EBF1: variants seen among roughly 807,000 people sequenced by gnomAD.
The protein encoded by EBF1 is EBF transcription factor 1, also known as transcription factor COE1.
In EBF1, 10 loss-of-function variants were observed where a neutral mutation model predicts 68.4. That is an observed-to-expected ratio of 0.15 (90% confidence interval 0.09 to 0.25). The LOEUF is 0.25. EBF1 is among the 10% of genes least tolerant of loss of function. The pLI, the probability that EBF1 is intolerant of heterozygous loss-of-function variation, is 1.00. For synonymous variants in EBF1, 298 were observed against 299.8 expected, an observed-to-expected ratio of 0.99 and a Z score of 0.06; for missense variants, 509 against 794.4, an observed-to-expected ratio of 0.64 and a Z score of 4.32.
intron 6 of EBF1, among the ~76,000 whole-genome samples, chr5:158,942,928 A>AG (rs1561581218): frequency 1.2e-4 from 13 of 106,680 alleles, no homozygotes; most frequent in East Asian, 2.8e-4. Flanking sequence ...GAAGGAGGGG[A>AG]GAGGAGAGAA....
At chr5:158,937,430 T>C (rs1265068541) in intron 6 of EBF1, among the ~76,000 whole-genome samples, 1 of 152,068 alleles carries the variant, frequency 6.6e-6, no homozygotes, top group Admixed American at 6.5e-5. Flanking sequence ...GAGCTACTTA[T>C]AAGGGTTCCC....
chr5:159,008,602 T>G (rs1764026653), intron 6 of EBF1, among the ~76,000 whole-genome samples: 1 of 150,514 alleles, frequency 6.6e-6, no homozygotes. Context: ...CTGGACTCAC[T>G]GCAGCCTCAG....
intron 6 of EBF1, among the ~76,000 whole-genome samples, chr5:158,908,401 G>A (rs2127346618): frequency 6.6e-6 from 1 of 152,278 alleles, no homozygotes; most frequent in South Asian, 2.1e-4. Context: ...GTGTCAATAA[G>A]TTGTTATAAT....
intron 8 of EBF1, among the ~76,000 whole-genome samples, chr5:158,812,081 C>T (rs907088128): frequency 6.6e-6 from 1 of 152,212 alleles, no homozygotes; most frequent in African/African-American, 2.4e-5. Flanking sequence ...TAAATACTTA[C>T]ACTCATGTGA....
rs1769029470 is a variant in EBF1 at position 159,032,099 on chromosome 5, C to T, written c.554+41297G>A. Among the ~76,000 whole-genome samples, 4 of 152,104 alleles carry T rather than the reference C, an allele frequency of 2.6e-5. No individual in the cohort carries two copies. The South Asian group carries it at 8.3e-4, about 32-fold the overall frequency. On this transcript the variant is annotated intron_variant, in intron 6 of 15. Coordinates refer to ENST00000313708, the MANE Select transcript of EBF1 (RefSeq NM_024007.5). ...TCCACCAAGAAGAGTCTCAAAATGT[C>T]CAGTCAATATCAACAGGTGTAACAA...
chr5:158,755,330 C>T (rs1401537419), intron 10 of EBF1, among the ~76,000 whole-genome samples: 1 of 152,088 alleles, frequency 6.6e-6, no homozygotes, highest in African/African-American at 2.4e-5. Flanking sequence ...TCCCTGGACT[C>T]CCAGGTTAGG....
chr5:158,893,633 T>C (rs1382616147), intron 6 of EBF1, among the ~76,000 whole-genome samples: 12 of 152,194 alleles, frequency 7.9e-5, no homozygotes. Context: ...AGGCCAAGGC[T>C]CGTCAGTCTT....
intron 6 of EBF1, among the ~76,000 whole-genome samples, chr5:159,010,829 T>C (rs923111556): frequency 7.2e-5 from 11 of 152,218 alleles, no homozygotes; most frequent in Non-Finnish European, 7.3e-5. Context: ...ACAGGGCTCT[T>C]TAATTGAAAA....
chr5:158,909,271 G>A (rs1402191556), intron 6 of EBF1, among the ~76,000 whole-genome samples: 1 of 152,178 alleles, frequency 6.6e-6, no homozygotes, highest in Non-Finnish European at 1.5e-5. Context: ...GGTGCTGGTG[G>A]TTTTTGTTGG....
chr5:159,048,726 G>T (rs1772947185), intron 6 of EBF1, among the ~76,000 whole-genome samples: 1 of 152,214 alleles, frequency 6.6e-6, no homozygotes, highest in South Asian at 2.1e-4. Flanking sequence ...CCTGCTGAAG[G>T]TCTAATTTCT....
intron 5 of EBF1, among the ~76,000 whole-genome samples, chr5:159,078,441 A>G (rs1779179407): frequency 6.6e-6 from 1 of 152,238 alleles, no homozygotes; most frequent in African/African-American, 2.4e-5. Context: ...CAGTGTTAAT[A>G]AAAGAAATCA....
intron 6 of EBF1, among the ~76,000 whole-genome samples, chr5:159,005,534 A>G (rs1437551042): frequency 6.6e-6 from 1 of 152,200 alleles, no homozygotes; most frequent in Admixed American, 6.5e-5. Context: ...TCTCAGAGCT[A>G]TTAACTGAGT....
Position 158,796,420 on chromosome 5 carries a change from C to G in EBF1, c.834G>C (p.Ala278=), listed in dbSNP as rs758590358. ...SPSEGWTTGG[A]TVIIIGDNFF... ...AATTGTCCCCTATGATGATCACAGTCGCACCTCCCGTCGTCCATCCTTCAC... is the reference window on the plus strand; with the variant it reads ...AATTGTCCCCTATGATGATCACAGTGGCACCTCCCGTCGTCCATCCTTCAC... The change falls in exon 9 of 16, where the codon GCG becomes GCC. Residue 278 remains alanine (A), a synonymous_variant. Transcript: ENST00000313708. The G allele has an allele frequency of 6.2e-7, 1 of 1,613,698 alleles. No individual in the cohort carries two copies. The highest frequency in any genetic ancestry group is 1.1e-5 in the South Asian group (1 of 91,024).
intron 5 of EBF1, chr5:159,073,665 A>G (rs577710224): frequency 3.0e-5 from 17 of 567,934 alleles, no homozygotes; most frequent in African/African-American, 2.3e-4. Context: ...CTCCCTGCTC[A>G]AAGAAGGAGG....
chr5:158,993,132 C>T (rs111684760), intron 6 of EBF1, among the ~76,000 whole-genome samples: 21,620 of 141,480 alleles, frequency 0.15, 2,211 homozygotes, highest in African/African-American at 0.25. Context: ...GTTTCACCTC[C>T]GCCTCCTGGG....
intron 7 of EBF1, among the ~76,000 whole-genome samples, chr5:158,826,640 G>T (rs1786195667): frequency 6.6e-6 from 1 of 152,138 alleles, no homozygotes; most frequent in Admixed American, 6.5e-5. Context: ...CTATTAGGGG[G>T]CTTTGCTTCT....
chr5:158,740,388 T>C (rs1236507181), intron 10 of EBF1, among the ~76,000 whole-genome samples: 2 of 151,978 alleles, frequency 1.3e-5, no homozygotes, highest in Non-Finnish European at 2.9e-5. Flanking sequence ...GTTCACAGAG[T>C]TGTTTCCTCC....
At chr5:158,894,627 G>A (rs1801827734) in intron 6 of EBF1, among the ~76,000 whole-genome samples, 1 of 152,158 alleles carries the variant, frequency 6.6e-6, no homozygotes, top group African/African-American at 2.4e-5. Context: ...TTACAGGCAA[G>A]ATTAGTTGCT....
At chr5:159,042,721 G>GT (rs1403832844) in intron 6 of EBF1, among the ~76,000 whole-genome samples, 2 of 152,014 alleles carry the variant, frequency 1.3e-5, no homozygotes, top group Admixed American at 1.3e-4. Flanking sequence ...AAAGACAAGT[G>GT]TACCATAGCC....
Sources: allele counts gnomAD v4.1 joint callset (sites outside exome capture counted in the v4.1 genomes callset), GRCh38; gene constraint gnomAD v4.1.1; transcripts MANE v1.5; gene names NCBI Gene and HGNC (gene_info 2026-07-23, HGNC 2026-07-21).